Variants in MAML3 observed in about 807,000 individuals in gnomAD.
MAML3 encodes the protein mastermind like transcriptional coactivator 3, also known as mastermind-like protein 3.
In MAML3, 27 loss-of-function variants were observed where a neutral mutation model predicts 101.9. That is an observed-to-expected ratio of 0.27 (90% CI 0.20 to 0.37). The LOEUF (loss-of-function observed/expected upper bound fraction) is 0.37, where lower values mean the gene tolerates loss of function less well. MAML3 is among the 10% of genes least tolerant of loss of function. MAML3 has a pLI of 1.00. For missense variants in MAML3, 1,316 were observed against 1,444.9 expected (o/e 0.91, Z 1.45); for synonymous variants, 501 against 555.9 (o/e 0.90, Z 1.39).
intron 2 of MAML3, among the ~76,000 whole-genome samples, chr4:139,792,923 T>C (rs1010550208): frequency 7.2e-5 from 11 of 152,028 alleles, no homozygotes; most frequent in Admixed American, 2.0e-4. Context: ...TTTTTTTGTA[T>C]TTTTAGTAGA....
rs111489486 is a variant in MAML3, at chr4:139,769,740, T to C, written c.2080-39073A>G. On this transcript the variant is annotated intron_variant, in intron 2 of 4. Transcript: ENST00000509479. ...AAGCCATTCTCCTGCCTCAGCCTTCTGAGTAGCTGCAATTACAGGCATGTG... is the reference window on the plus strand; with the variant it reads ...AAGCCATTCTCCTGCCTCAGCCTTCCGAGTAGCTGCAATTACAGGCATGTG... Among the ~76,000 whole-genome samples the C allele has an allele frequency of 4.4e-3, 663 of 152,140 alleles. 6 individuals carry two copies. The highest frequency in any genetic ancestry group is 0.014 in the African/African-American group (596 of 41,488).
At chr4:139,758,793 G>T (rs1198574893) in intron 2 of MAML3, among the ~76,000 whole-genome samples, 1 of 152,118 alleles carries the variant, frequency 6.6e-6, no homozygotes, top group Non-Finnish European at 1.5e-5. Flanking sequence ...CTTCCTCAAG[G>T]CTTTTCCTGG....
At chr4:139,863,840 T>TTTTTTTTTTA in intron 2 of MAML3, among the ~76,000 whole-genome samples, 1 of 34,490 alleles carries the variant, frequency 2.9e-5, no homozygotes, top group Non-Finnish European at 5.4e-5. Context: ...GGGTTTTTTT[T>TTTTTTTTTTA]TTTTTTTTTT....
At chr4:139,943,223 A>G (rs2110742774) in intron 1 of MAML3, among the ~76,000 whole-genome samples, 1 of 152,326 alleles carries the variant, frequency 6.6e-6, no homozygotes, top group South Asian at 2.1e-4. Context: ...TACAGAAGAG[A>G]TGAAGTTCAT....
chr4:140,123,090 C>CG (rs890364114), intron 1 of MAML3, among the ~76,000 whole-genome samples: 3 of 115,306 alleles, frequency 2.6e-5, no homozygotes, highest in African/African-American at 1.0e-4. Context: ...TAAAGCTCTG[C>CG]GGTTTTTTTT....
intron 2 of MAML3, among the ~76,000 whole-genome samples, chr4:139,852,358 C>T (rs1276468725): frequency 6.8e-6 from 1 of 146,660 alleles, no homozygotes; most frequent in African/African-American, 2.5e-5. Context: ...AACCTATTGT[C>T]GGTAACTTTC....
intron 1 of MAML3, among the ~76,000 whole-genome samples, chr4:140,086,576 G>C (rs904584679): frequency 6.6e-6 from 1 of 152,134 alleles, no homozygotes; most frequent in Non-Finnish European, 1.5e-5. Context: ...AGATCTTACA[G>C]GTATGGCAGA....
rs369602172 is a variant in MAML3, at chr4:140,122,220, C to CTTTTT, written c.468+30635_468+30639dup. Among the ~76,000 whole-genome samples the CTTTTT allele has an allele frequency of 5.6e-5, 7 of 124,612 alleles. 2 individuals carry two copies. Among genetic ancestry groups the CTTTTT allele is most frequent in the Admixed American group, 8.4e-5 (1 of 11,886 alleles). The allele number at this position is 124,612 out of a possible 152,430, so 81.8% of individuals were successfully genotyped here. On this transcript the variant is annotated intron_variant, in intron 1 of 4. Coordinates refer to ENST00000509479, the MANE Select transcript of MAML3 (RefSeq NM_018717.5). ...TTCTCACAGGAATAATCAAACGAGA[C>CTTTTT]TTTTTTTTTTTTTTTTTTTAAACAG...
At chr4:139,767,443 A>G (rs556891630) in intron 2 of MAML3, among the ~76,000 whole-genome samples, 68 of 152,294 alleles carry the variant, frequency 4.5e-4, no homozygotes, top group African/African-American at 1.6e-3. Flanking sequence ...GAAATTCCTT[A>G]CGCTTATGAA....
At chr4:140,086,241 G>A (rs1727949895) in intron 1 of MAML3, among the ~76,000 whole-genome samples, 1 of 152,180 alleles carries the variant, frequency 6.6e-6, no homozygotes, top group Admixed American at 6.5e-5. Context: ...GCACATAGGC[G>A]CTACCTCACA....
chr4:139,779,671 G>T (rs375719417), intron 2 of MAML3, among the ~76,000 whole-genome samples: 1 of 152,182 alleles, frequency 6.6e-6, no homozygotes, highest in African/African-American at 2.4e-5. Context: ...ACCGGAACAC[G>T]GACTGGATTC....
intron 2 of MAML3, among the ~76,000 whole-genome samples, chr4:139,758,585 C>T (rs1217466613): frequency 6.6e-6 from 1 of 152,198 alleles, no homozygotes; most frequent in African/African-American, 2.4e-5. Flanking sequence ...ATGAGAGTTA[C>T]AGCAGGTTTC....
chr4:140,148,257 G>A (rs1729097990), intron 1 of MAML3, among the ~76,000 whole-genome samples: 1 of 152,122 alleles, frequency 6.6e-6, no homozygotes, highest in South Asian at 2.1e-4. Context: ...CCCTGGGAAG[G>A]AACTCAGCTT....
chr4:140,138,580 C>G (rs147096487), intron 1 of MAML3, among the ~76,000 whole-genome samples: 1 of 152,118 alleles, frequency 6.6e-6, no homozygotes. Context: ...CACACACCAC[C>G]GTGAGGAAAT....
chr4:139,896,788 A>G (rs1732623519), intron 1 of MAML3, among the ~76,000 whole-genome samples: 1 of 152,194 alleles, frequency 6.6e-6, no homozygotes, highest in Non-Finnish European at 1.5e-5. Flanking sequence ...GAACTTTCAC[A>G]CAGAATCATA....
chr4:140,128,527 A>G (rs1578699181), intron 1 of MAML3, among the ~76,000 whole-genome samples: 1 of 152,138 alleles, frequency 6.6e-6, no homozygotes. Context: ...AGAGCTCCCC[A>G]TGGGCAATGG....
intron 1 of MAML3, among the ~76,000 whole-genome samples, chr4:139,926,591 C>T (rs1733265214): frequency 6.6e-6 from 1 of 152,226 alleles, no homozygotes; most frequent in South Asian, 2.1e-4. Context: ...TAAAGCGAGA[C>T]TCCGTCTCAA....
At chr4:139,754,681 C>T (rs1246398314) in intron 2 of MAML3, among the ~76,000 whole-genome samples, 2 of 151,962 alleles carry the variant, frequency 1.3e-5, no homozygotes, top group Non-Finnish European at 2.9e-5. Context: ...TATCAAATAC[C>T]CTCTGGAAAG....
intron 2 of MAML3, among the ~76,000 whole-genome samples, chr4:139,749,052 C>G (rs1025378260): frequency 1.3e-5 from 2 of 152,194 alleles, no homozygotes; most frequent in Non-Finnish European, 2.9e-5. Flanking sequence ...CAACTAAAAA[C>G]AATCCAAAAG....
Sources: gnomAD v4.1 joint callset for allele counts (sites outside exome capture counted in the v4.1 genomes callset) on GRCh38, gnomAD v4.1.1 for gene constraint, MANE v1.5 for transcripts, NCBI Gene and HGNC (gene_info 2026-07-23, HGNC 2026-07-21) for gene names.